Variants in AP3B1 observed in about 807,000 individuals in gnomAD.
AP3B1 encodes adaptor related protein complex 3 subunit beta 1.
A neutral mutation model predicts 132.5 loss-of-function variants in AP3B1; 61 were observed. The observed-to-expected ratio is 0.46, with a 90% CI of 0.37 to 0.57. The LOEUF is 0.57. Ranked by LOEUF, AP3B1 falls within the 20% of genes least tolerant of loss-of-function variation. AP3B1 has a pLI of 0.00. For synonymous variants in AP3B1, 388 were observed against 438.3 expected (o/e 0.89, Z 1.43); for missense variants, 1,120 against 1,289.4 (o/e 0.87, Z 2.01).
Position 78,002,465 on chromosome 5 carries a change from A to C in AP3B1, c.*437T>G, listed in dbSNP as rs972670538. On this transcript the variant is annotated 3_prime_UTR_variant, in exon 27 of 27. Transcript: ENST00000255194. ...TATGCTTTTGTATTTGGATTTAAAA[A>C]GTATGTGATCTCATTTTCACATACC... 1.2e-5 allele frequency: 5 copies of C among 418,376 alleles called. No individual in the cohort carries two copies. Among genetic ancestry groups the C allele is most frequent in the Middle Eastern group, 5.9e-4 (1 of 1,702 alleles). 25.9% of individuals were successfully genotyped at this position (418,376 alleles called of 1,614,324 possible). A position where few individuals can be genotyped will look rare whatever the true frequency, so the allele number is the denominator to read the frequency against.
chr5:78,250,769 G>C (rs899504564), intron 2 of AP3B1, among the ~76,000 whole-genome samples: 2 of 151,780 alleles, frequency 1.3e-5, no homozygotes, highest in African/African-American at 4.8e-5. Flanking sequence ...GAGGGGATGT[G>C]GCATTTTTTT....
intron 7 of AP3B1, among the ~76,000 whole-genome samples, chr5:78,192,646 A>G (rs376891123): frequency 6.6e-6 from 1 of 152,172 alleles, no homozygotes; most frequent in South Asian, 2.1e-4. Flanking sequence ...TATCTCCAAA[A>G]AAAGAAAGAA....
chr5:78,263,205 T>C (rs190938138), intron 2 of AP3B1, among the ~76,000 whole-genome samples: 5 of 152,312 alleles, frequency 3.3e-5, no homozygotes, highest in Admixed American at 1.3e-4. Context: ...AATGTTTCAG[T>C]GTACAAGTCT....
chr5:78,228,228 CAACT>C lies in AP3B1; in HGVS notation c.287_290del (p.Lys96ArgfsTer21). The C allele has an allele frequency of 6.2e-7, 1 of 1,604,332 alleles. No individual in the cohort carries two copies. The highest frequency in any genetic ancestry group is 8.5e-7 in the Non-Finnish European group (1 of 1,176,072). ...CATATCGAACCAGGTAAACATATAC[CAACT>C]TCTTGATCTGTTAAAAAAAAATCAT... On this transcript the variant is annotated frameshift_variant, in exon 4 of 27. Coordinates refer to ENST00000255194, the MANE Select transcript of AP3B1 (RefSeq NM_003664.5). LOFTEE classifies it high-confidence loss of function.
intron 17 of AP3B1, among the ~76,000 whole-genome samples, chr5:78,126,436 C>T (rs564907473): frequency 7.4e-6 from 1 of 134,826 alleles, no homozygotes; most frequent in East Asian, 2.2e-4. Flanking sequence ...ACCTGGGAGG[C>T]AGAGCTTGCA....
intron 21 of AP3B1, among the ~76,000 whole-genome samples, chr5:78,099,897 G>A (rs1278798102): frequency 6.6e-6 from 1 of 151,048 alleles, no homozygotes; most frequent in African/African-American, 2.4e-5. Flanking sequence ...TCGGGGGGCG[G>A]GGAAGAACTG....
intron 15 of AP3B1, among the ~76,000 whole-genome samples, chr5:78,137,194 G>A (rs1372192259): frequency 6.6e-6 from 1 of 152,168 alleles, no homozygotes; most frequent in Non-Finnish European, 1.5e-5. Context: ...CTCTTTGAAT[G>A]AGTACAGGAT....
intron 3 of AP3B1, among the ~76,000 whole-genome samples, chr5:78,229,575 C>CAAAAAA (rs70997973): frequency 1.0e-4 from 14 of 134,362 alleles, no homozygotes; most frequent in Non-Finnish European, 9.5e-5. Flanking sequence ...TCTAGTAAAA[C>CAAAAAA]AAAAAAAAAA....
At chr5:78,086,139 C>T (rs892639702) in intron 22 of AP3B1, among the ~76,000 whole-genome samples, 4 of 151,986 alleles carry the variant, frequency 2.6e-5, no homozygotes, top group Admixed American at 1.3e-4. Flanking sequence ...TTGAATCACC[C>T]TTTCCTTGGT....
In AP3B1 at chr5:78,289,952, A is replaced by C. The variant is rs139429993; in HGVS notation, c.128+4500T>G. 2.5e-3 allele frequency among the ~76,000 whole-genome samples: 377 copies of C among 152,266 alleles called. 1 individual carries two copies. The highest frequency in any genetic ancestry group is 5.8e-3 in the Admixed American group (88 of 15,300). ...TCTACATACTCTGCCTAAAGAATCC[A>C]TCTTTCCTCCCCCTGGCAAAAACCT... On this transcript the variant is annotated intron_variant, in intron 1 of 26. Transcript: ENST00000255194.
At chr5:78,258,126 C>T (rs971784763) in intron 2 of AP3B1, among the ~76,000 whole-genome samples, 3 of 152,306 alleles carry the variant, frequency 2.0e-5, no homozygotes. Context: ...TAATACCCCA[C>T]AAGCACAGGC....
intron 24 of AP3B1, among the ~76,000 whole-genome samples, chr5:78,030,590 C>T (rs1050924456): frequency 6.6e-5 from 10 of 152,130 alleles, no homozygotes; most frequent in African/African-American, 1.7e-4. Flanking sequence ...TTCACCAGGA[C>T]GTGATCTTTT....
At chr5:78,147,932 C>T (rs974150787) in intron 14 of AP3B1, among the ~76,000 whole-genome samples, 9 of 151,802 alleles carry the variant, frequency 5.9e-5, no homozygotes, top group Non-Finnish European at 1.3e-4. Context: ...TACTCAGAGG[C>T]TGAGGCAGGA....
chr5:78,147,841 G>A (rs1017081141), intron 14 of AP3B1, among the ~76,000 whole-genome samples: 4 of 152,046 alleles, frequency 2.6e-5, no homozygotes, highest in South Asian at 2.1e-4. Context: ...TGAGACCAGC[G>A]TGGTCAACAT....
intron 26 of AP3B1, among the ~76,000 whole-genome samples, chr5:78,008,033 A>G (rs1044291302): frequency 6.6e-6 from 1 of 152,194 alleles, no homozygotes; most frequent in Non-Finnish European, 1.5e-5. Context: ...CAGAGATGGT[A>G]TAAAAAAATT....
At chr5:78,122,809 C>T (rs1752280681) in intron 17 of AP3B1, among the ~76,000 whole-genome samples, 1 of 152,166 alleles carries the variant, frequency 6.6e-6, no homozygotes, top group African/African-American at 2.4e-5. Context: ...CCCCATCAAG[C>T]TACCAATGAC....
chr5:78,193,050 T>C (rs1428163557), intron 7 of AP3B1, among the ~76,000 whole-genome samples: 1 of 152,224 alleles, frequency 6.6e-6, no homozygotes, highest in Admixed American at 6.5e-5. Context: ...CGGCAGATAA[T>C]GCAACATAAC....
rs573226996 is a variant in AP3B1, at chr5:78,099,428, T to C, written c.2470+1525A>G. ...TGCATAAAAACAGAGTAGGATGAAA[T>C]GTGGATAACAAGAAGACAGGGGTCA... is the stretch of plus-strand genomic sequence containing the variant. On this transcript the variant is annotated intron_variant, in intron 21 of 26. Coordinates refer to ENST00000255194, the MANE Select transcript of AP3B1 (RefSeq NM_003664.5). Among the ~76,000 whole-genome samples, 3 of 152,036 alleles carry C rather than the reference T, an allele frequency of 2.0e-5. No homozygotes were observed. The South Asian group carries it at 6.2e-4, about 32-fold the overall frequency.
chr5:78,188,595 G>A (rs1322739205), intron 7 of AP3B1, among the ~76,000 whole-genome samples: 1 of 152,190 alleles, frequency 6.6e-6, no homozygotes, highest in Non-Finnish European at 1.5e-5. Context: ...TGGCCAGGCT[G>A]CGGAGAAATA....
Sources: gnomAD v4.1 joint callset for allele counts (sites outside exome capture counted in the v4.1 genomes callset) on GRCh38, gnomAD v4.1.1 for gene constraint, MANE v1.5 for transcripts, NCBI Gene and HGNC (gene_info 2026-07-23, HGNC 2026-07-21) for gene names.